WFDC1: variants seen among roughly 807,000 people sequenced by gnomAD.
The protein encoded by WFDC1 is WAP four-disulfide core domain protein 1.
WFDC1 carries 39 observed loss-of-function variants against 32.9 expected under a neutral mutation model. The observed-to-expected ratio is 1.19, with a 90% CI of 0.92 to 1.55. WFDC1 has a LOEUF of 1.55. Ranked by LOEUF, WFDC1 falls within the 40% of genes most tolerant of loss-of-function variation. WFDC1 has a pLI of 0.00. For synonymous variants in WFDC1, 184 were observed against 137.4 expected (o/e 1.34, Z -2.37); for missense variants, 386 against 309.5 (o/e 1.25, Z -1.85).
intron 6 of WFDC1, chr16:84,328,648 G>A (rs1908742995): frequency 1.3e-5 from 2 of 152,274 alleles, no homozygotes; most frequent in South Asian, 4.1e-4. Context: ...TGGCAGTTTG[G>A]AAGTTGAGGC....
At position 84,306,325 on chromosome 16, in the gene WFDC1, C is replaced by A. The variant is rs1330312152; in HGVS notation, c.145-6636C>A. 2.6e-5 allele frequency among the ~76,000 whole-genome samples: 4 copies of A among 152,320 alleles called. No individual in the cohort carries two copies. In the East Asian group the frequency reaches 7.7e-4, roughly 29 times the overall value. The stretch of plus-strand genomic sequence containing the variant: ...AAGAGATCATGAGCTTCGGTCCCTT[C>A]CATCTTGGGATATGGCTCCTAAGTT... On this transcript the variant is annotated intron_variant, in intron 1 of 6. Coordinates refer to ENST00000219454, the MANE Select transcript of WFDC1 (RefSeq NM_021197.4).
chr16:84,295,392 C>T, intron 1 of WFDC1: 1 of 500,266 alleles, frequency 2.0e-6, no homozygotes. Flanking sequence ...AGTATGCTTG[C>T]TCCTGAAAGA....
intron 1 of WFDC1, among the ~76,000 whole-genome samples, chr16:84,299,903 G>C (rs919769850): frequency 5.3e-5 from 8 of 151,026 alleles, no homozygotes; most frequent in Non-Finnish European, 1.2e-4. Context: ...GGAGGGAGGG[G>C]AGCATTGCAT....
chr16:84,299,919 A>G (rs1054801823), intron 1 of WFDC1, among the ~76,000 whole-genome samples: 2 of 151,714 alleles, frequency 1.3e-5, no homozygotes, highest in Non-Finnish European at 2.9e-5. Context: ...TGCATTGTCT[A>G]TCTGGAGGCA....
chr16:84,324,929 T>C (rs1453641069), intron 5 of WFDC1, among the ~76,000 whole-genome samples: 4 of 151,938 alleles, frequency 2.6e-5, no homozygotes, highest in African/African-American at 7.3e-5. Context: ...CCATCTATTC[T>C]TTCATTCATC....
intron 2 of WFDC1, chr16:84,316,355 C>G (rs1907947692): frequency 6.6e-6 from 1 of 152,200 alleles, no homozygotes; most frequent in South Asian, 2.1e-4. Context: ...TTTCTATTCT[C>G]TTTATAAAGA....
At chr16:84,322,101 G>T (rs1363666946) in intron 4 of WFDC1, among the ~76,000 whole-genome samples, 1 of 151,864 alleles carries the variant, frequency 6.6e-6, no homozygotes, top group East Asian at 1.9e-4. Flanking sequence ...AAGATGCAGA[G>T]CTGGAAGAGC....
chr16:84,301,460 C>T (rs1018397239), intron 1 of WFDC1, among the ~76,000 whole-genome samples: 1 of 152,154 alleles, frequency 6.6e-6, no homozygotes, highest in Non-Finnish European at 1.5e-5. Context: ...AGTCTGGGAG[C>T]TTTGTCTGCT....
chr16:84,322,145 CTGTGTGTGTGTGTGCGTG>C lies in WFDC1; in HGVS notation c.563-2259_563-2242del, dbSNP rs1215216105. Among the ~76,000 whole-genome samples the C allele has an allele frequency of 1.4e-3, 155 of 109,460 alleles. 1 individual carries two copies. The highest frequency in any genetic ancestry group is 6.1e-3 in the Admixed American group (72 of 11,814). The allele number at this position is 109,460 out of a possible 152,430, so 71.8% of individuals were successfully genotyped here. A position where few individuals can be genotyped will look rare whatever the true frequency, so the allele number is the denominator to read the frequency against. On this transcript the variant is annotated intron_variant, in intron 4 of 6. Transcript: ENST00000219454. The stretch of plus-strand genomic sequence containing the variant: ...CAAGACTGTCCACCAGCCTCAGAGC[CTGTGTGTGTGTGTGCGTG>C]TGTGTGTGTGTGTGTGTGTGTGTGT...
chr16:84,307,707 C>G (rs953811980), intron 1 of WFDC1, among the ~76,000 whole-genome samples: 3 of 152,212 alleles, frequency 2.0e-5, no homozygotes, highest in Admixed American at 2.0e-4. Flanking sequence ...AAGCCGCCCC[C>G]TCCCGACGAC....
chr16:84,317,199 A>G (rs1284347455), intron 2 of WFDC1: 1 of 152,114 alleles, frequency 6.6e-6, no homozygotes, highest in Non-Finnish European at 1.5e-5. Flanking sequence ...AGACTGAGAG[A>G]GGAGAACTGC....
intron 5 of WFDC1, 92 bp from the exon 6 acceptor site, chr16:84,326,790 C>A (rs1328320572): frequency 1.3e-6 from 2 of 1,516,024 alleles, no homozygotes; most frequent in Admixed American, 3.4e-5. Context: ...GCCAGGTCAC[C>A]AGGCTTCATT....
chr16:84,312,997 C>T lies in WFDC1; in HGVS notation c.181C>T (p.Pro61Ser), dbSNP rs1444964533. The T allele has an allele frequency of 8.0e-7, 1 of 1,249,970 alleles. No homozygotes were observed. 77.4% of individuals were successfully genotyped at this position (1,249,970 alleles called of 1,614,324 possible). Reference sequence around the variant, plus strand: ...GGGCGCGCCCGGCGGCCCCCGGCAGCCCCGAGCAGACCGCTGCCCGCCGCC... The same window carrying T: ...GGGCGCGCCCGGCGGCCCCCGGCAGTCCCGAGCAGACCGCTGCCCGCCGCC... Reference protein sequence around the residue: ...EAGAPGGPRQPRADRCPPPPR... With the variant: ...EAGAPGGPRQSRADRCPPPPR... The change falls in exon 2 of 7, where the codon CCC becomes TCC. Residue 61 changes from proline to serine, a missense_variant. Pro to Ser is a moderately conservative substitution (Grantham distance 74). Coordinates refer to ENST00000219454, the MANE Select transcript of WFDC1 (RefSeq NM_021197.4).
At chr16:84,304,981 G>T (rs1030333257) in intron 1 of WFDC1, among the ~76,000 whole-genome samples, 3 of 152,214 alleles carry the variant, frequency 2.0e-5, no homozygotes, top group African/African-American at 7.2e-5. Flanking sequence ...AGGCTCCTGG[G>T]TCAGGAACGC....
intron 1 of WFDC1, 74 bp downstream of exon 1, chr16:84,295,189 G>C (rs1368093126): frequency 2.6e-6 from 4 of 1,560,672 alleles, no homozygotes; most frequent in Non-Finnish European, 3.5e-6. Flanking sequence ...GCGATCCCTA[G>C]ACACTGCCTT....
intron 1 of WFDC1, among the ~76,000 whole-genome samples, chr16:84,304,307 C>A (rs1053743233): frequency 7.3e-5 from 11 of 150,934 alleles, no homozygotes; most frequent in African/African-American, 2.4e-4. Flanking sequence ...TGGCTCACTG[C>A]AACTTCTGCC....
chr16:84,314,271 G>A (rs34411385), intron 2 of WFDC1, among the ~76,000 whole-genome samples: 16,213 of 152,208 alleles, frequency 0.11, 1,043 homozygotes, highest in Non-Finnish European at 0.15. Flanking sequence ...AGGTGACCCC[G>A]TCGGGGACAG....
Position 84,319,723 on chromosome 16 carries a change from T to G in WFDC1, c.562+152T>G, listed in dbSNP as rs1044764452. 1.0e-5 allele frequency: 11 copies of G among 1,079,380 alleles called. No homozygotes were observed. In the African/African-American group the frequency reaches 1.6e-4, roughly 16 times the overall value. 66.9% of individuals were successfully genotyped at this position (1,079,380 alleles called of 1,614,324 possible). ...TCCTCACATCTTCCCCCTGCCCGGC[T>G]CCTTCTTTCATGGCCCCTACCCTTT... On this transcript the variant is annotated intron_variant, in intron 4 of 6. Transcript: ENST00000219454.
intron 1 of WFDC1, chr16:84,295,489 A>G (rs1191286034): frequency 5.4e-6 from 2 of 372,388 alleles, no homozygotes; most frequent in East Asian, 8.3e-5. Flanking sequence ...ACACTTATGC[A>G]TTCATGTGGT....
Sources: gnomAD v4.1 joint callset for allele counts (sites outside exome capture counted in the v4.1 genomes callset) on GRCh38, gnomAD v4.1.1 for gene constraint, MANE v1.5 for transcripts, NCBI Gene and HGNC (gene_info 2026-07-23, HGNC 2026-07-21) for gene names.